The following ANKRD10 variants were observed in gnomAD, a reference collection of about 807,000 sequenced individuals.
ANKRD10 encodes ankyrin repeat domain 10.
Under a neutral mutation model 27.0 loss-of-function variants are expected in ANKRD10, and 14 were observed. That is an observed-to-expected ratio of 0.52 (90% confidence interval 0.34 to 0.81). The LOEUF is 0.81. Among genes scored for constraint, ANKRD10 ranks in the 40% least tolerant of loss-of-function variants. ANKRD10 has a pLI of 0.01. For missense variants in ANKRD10, 493 were observed against 544.0 expected (o/e 0.91, Z 0.93); for synonymous variants, 250 against 224.5 (o/e 1.11, Z -1.01).
chr13:110,897,627 C>A (rs1248117643), intron 3 of ANKRD10, among the ~76,000 whole-genome samples: 1 of 152,024 alleles, frequency 6.6e-6, no homozygotes, highest in African/African-American at 2.4e-5. Context: ...CAGGTTGATT[C>A]CAATCTTGGG....
At chr13:110,889,334 G>A (rs2065015953) in intron 4 of ANKRD10, among the ~76,000 whole-genome samples, 1 of 66,986 alleles carries the variant, frequency 1.5e-5, no homozygotes, top group Non-Finnish European at 4.2e-5. Flanking sequence ...ATCCCACACT[G>A]AGGAAAGTAT....
rs1162670279 is a variant in ANKRD10 at position 110,879,786 on chromosome 13, G to A, written c.1114C>T (p.Leu372=). ...AACCCGTGGTAGTGTCCATAGTACA[G>A]GTTATCCCCAATGTCTTCCACCCAG... ...PSWVEDIGDN[L]YYGHYHGFGD... Residue 372 remains leucine, a synonymous_variant, in exon 6 of 6, where the codon CTG becomes TTG. Coordinates refer to ENST00000267339, the MANE Select transcript of ANKRD10 (RefSeq NM_017664.4). The A allele has an allele frequency of 1.2e-6, 2 of 1,614,124 alleles. No individual in the cohort carries two copies. The highest frequency in any genetic ancestry group is 2.7e-5 in the African/African-American group (2 of 74,948).
At chr13:110,883,619 A>G (rs1243459633) in intron 5 of ANKRD10, 79 bp downstream of exon 5, 2 of 1,583,066 alleles carry the variant, frequency 1.3e-6, no homozygotes, top group Non-Finnish European at 1.7e-6. Flanking sequence ...TTTTGGTCCA[A>G]CAGAACCACT....
intron 3 of ANKRD10, chr13:110,894,236 T>A (rs751244428): frequency 4.1e-6 from 6 of 1,474,478 alleles, no homozygotes; most frequent in Non-Finnish European, 5.7e-6. Context: ...TAGCTGCAGG[T>A]TGATAAACAA....
chr13:110,898,026 TA>T (rs966878652), intron 3 of ANKRD10, among the ~76,000 whole-genome samples: 5 of 152,236 alleles, frequency 3.3e-5, no homozygotes, highest in Admixed American at 6.5e-5. Flanking sequence ...AACAACTTTT[TA>T]AAAGTTGCCA....
intron 2 of ANKRD10, among the ~76,000 whole-genome samples, chr13:110,906,470 C>T (rs1214585932): frequency 6.6e-6 from 1 of 151,888 alleles, no homozygotes; most frequent in African/African-American, 2.4e-5. Context: ...GCCAACCAAC[C>T]AACCACACAC....
At chr13:110,896,759 C>T (rs1455008510) in intron 3 of ANKRD10, among the ~76,000 whole-genome samples, 3 of 152,168 alleles carry the variant, frequency 2.0e-5, no homozygotes, top group Non-Finnish European at 4.4e-5. Flanking sequence ...TATTTATGAA[C>T]ACTGAAACTG....
At chr13:110,914,412 A>T in intron 1 of ANKRD10, 1 of 213,474 alleles carries the variant, frequency 4.7e-6, no homozygotes, top group Non-Finnish European at 9.2e-6. Flanking sequence ...TCCGGCCAAC[A>T]GGCGCCGGGA....
At chr13:110,899,444 G>A (rs2065322775) in intron 3 of ANKRD10, among the ~76,000 whole-genome samples, 1 of 152,138 alleles carries the variant, frequency 6.6e-6, no homozygotes, top group African/African-American at 2.4e-5. Flanking sequence ...TACAGCTATA[G>A]CCTACCTCCT....
At chr13:110,894,164 C>T (rs1297143244) in intron 3 of ANKRD10, 2 of 1,612,218 alleles carry the variant, frequency 1.2e-6, no homozygotes, top group Non-Finnish European at 1.7e-6. Flanking sequence ...TTGAAGTTCC[C>T]CTGGAAGACA....
At chr13:110,913,648 C>T (rs1380687435) in intron 1 of ANKRD10, among the ~76,000 whole-genome samples, 2 of 152,162 alleles carry the variant, frequency 1.3e-5, no homozygotes, top group Admixed American at 1.3e-4. Context: ...ACCGCAACTT[C>T]ATCAGCTGGT....
chr13:110,882,587 T>C (rs773181521), intron 5 of ANKRD10, among the ~76,000 whole-genome samples: 2 of 152,212 alleles, frequency 1.3e-5, no homozygotes, highest in African/African-American at 4.8e-5. Flanking sequence ...CAAAAGAAGG[T>C]AGCAAGGTCA....
Position 110,914,977 on chromosome 13 carries a change from G to T in ANKRD10, c.-43C>A, listed in dbSNP as rs766818519. 33 of 1,508,484 alleles carry T rather than the reference G, an allele frequency of 2.2e-5. No homozygotes were observed. The highest frequency in any genetic ancestry group is 1.2e-4 in the Admixed American group (6 of 48,808). 93.4% of individuals were successfully genotyped at this position (1,508,484 alleles called of 1,614,324 possible). A position where few individuals can be genotyped will look rare whatever the true frequency, so the allele number is the denominator to read the frequency against. On this transcript the variant is annotated 5_prime_UTR_variant, in exon 1 of 6. Transcript: ENST00000267339. ...CGCGGGGCTCGCTGGCCTAGAGGAC[G>T]CGTCGGGGAGGACTCGAGAAGCCGC... is the stretch of plus-strand genomic sequence containing the variant.
intron 3 of ANKRD10, among the ~76,000 whole-genome samples, chr13:110,901,799 G>A (rs148268323): frequency 0.012 from 1,854 of 152,270 alleles, 17 homozygotes; most frequent in Admixed American, 0.019. Flanking sequence ...CCAGTGCTCT[G>A]GGAGGCCAAG....
At position 110,910,781 on chromosome 13, in the gene ANKRD10, A is replaced by C; in HGVS notation, c.211-11T>G. 1.9e-6 allele frequency: 3 copies of C among 1,611,376 alleles called. No homozygotes were observed. Among genetic ancestry groups the C allele is most frequent in the Non-Finnish European group, 2.5e-6 (3 of 1,178,782 alleles). ...CACTAAGCACTCCAACTTCGAAAAC[A>C]AGAGGGGTAATGAAAACACGCAGAC... On this transcript the variant is annotated splice_polypyrimidine_tract_variant and intron_variant, in intron 1 of 5. Coordinates refer to ENST00000267339, the MANE Select transcript of ANKRD10 (RefSeq NM_017664.4).
At position 110,910,727 on chromosome 13, in the gene ANKRD10, T is replaced by C. The variant is rs2065673081; in HGVS notation, c.254A>G (p.Asn85Ser). ...CTGCGCGTACCGTGTGGTGGAGACG[T>C]TGAGTGTGGCTCCCGCTCTCACCAA... The part of the protein sequence containing the change: ...VQLVRAGATL[N>S]VSTTRYAQTP... The change falls in exon 2 of 6, where the codon AAC becomes AGC. Residue 85 changes from asparagine to serine, a missense_variant. By Grantham distance (46) the Asn-to-Ser change is conservative. Transcript: ENST00000267339. 2 of 1,614,140 alleles carry C rather than the reference T, an allele frequency of 1.2e-6. No individual in the cohort carries two copies. Among genetic ancestry groups the C allele is most frequent in the East Asian group, 2.2e-5 (1 of 44,880 alleles).
intron 2 of ANKRD10, among the ~76,000 whole-genome samples, chr13:110,906,838 T>G (rs1566490208): frequency 1.3e-5 from 2 of 151,532 alleles, no homozygotes; most frequent in East Asian, 1.9e-4. Context: ...GTGGCGGCGG[T>G]GGGGAGGTGA....
At chr13:110,892,422 A>AAAAAAAAAAAAAAAAAAT (rs2065101180) in intron 4 of ANKRD10, among the ~76,000 whole-genome samples, 4 of 143,782 alleles carry the variant, frequency 2.8e-5, no homozygotes, top group African/African-American at 1.0e-4. Flanking sequence ...AGAGCAAAAA[A>AAAAAAAAAAAAAAAAAAT]AAAAAAAAAA....
chr13:110,914,288 G>A (rs967404431), intron 1 of ANKRD10, among the ~76,000 whole-genome samples: 1 of 152,096 alleles, frequency 6.6e-6, no homozygotes, highest in Non-Finnish European at 1.5e-5. Flanking sequence ...TCGGCTCCCC[G>A]GAAGCCGCCT....
Sources: gnomAD v4.1 joint callset for allele counts (sites outside exome capture counted in the v4.1 genomes callset) on GRCh38, gnomAD v4.1.1 for gene constraint, MANE v1.5 for transcripts, NCBI Gene and HGNC (gene_info 2026-07-23, HGNC 2026-07-21) for gene names.